The following SNTB1 variants were observed in gnomAD, a reference collection of about 807,000 sequenced individuals.
SNTB1 encodes syntrophin beta 1, also known as beta-1-syntrophin.
In SNTB1, 36 loss-of-function variants were observed where a neutral mutation model predicts 48.9. The ratio of observed to expected loss-of-function variants is 0.74; its 90% confidence interval spans 0.56 to 0.97. The LOEUF (loss-of-function observed/expected upper bound fraction) is 0.97, where lower values mean the gene tolerates loss of function less well. Ranked by LOEUF, SNTB1 falls within the 50% of genes least tolerant of loss-of-function variation. SNTB1 has a pLI of 0.00. For synonymous variants in SNTB1, 299 were observed against 294.6 expected (o/e 1.01, Z -0.15); for missense variants, 786 against 703.4 (o/e 1.12, Z -1.33).
chr8:120,545,924 C>T (rs1337037584), intron 5 of SNTB1, among the ~76,000 whole-genome samples: 7 of 152,144 alleles, frequency 4.6e-5, no homozygotes. Context: ...ACTGTTATTC[C>T]TATTAAACCT....
chr8:120,562,268 C>A (rs752963411), intron 4 of SNTB1, among the ~76,000 whole-genome samples: 1 of 152,144 alleles, frequency 6.6e-6, no homozygotes, highest in Non-Finnish European at 1.5e-5. Flanking sequence ...AAGATACTAC[C>A]GCCCCCTTTG....
chr8:120,764,409 A>G (rs1392673441), intron 1 of SNTB1, among the ~76,000 whole-genome samples: 4 of 152,224 alleles, frequency 2.6e-5, no homozygotes, highest in African/African-American at 7.2e-5. Context: ...TATGCATTAT[A>G]AGCAGTGACT....
At chr8:120,638,740 T>A (rs1563838374) in intron 2 of SNTB1, among the ~76,000 whole-genome samples, 2 of 152,194 alleles carry the variant, frequency 1.3e-5, no homozygotes, top group Non-Finnish European at 2.9e-5. Context: ...TGAACTCATC[T>A]TTTTTATGGC....
chr8:120,774,240 GT>G (rs907467025), intron 1 of SNTB1, among the ~76,000 whole-genome samples: 103 of 152,314 alleles, frequency 6.8e-4, no homozygotes, highest in Non-Finnish European at 2.4e-4. Flanking sequence ...TGCAGGTGGT[GT>G]GATTAACTGG....
At chr8:120,778,463 T>C (rs1018363675) in intron 1 of SNTB1, among the ~76,000 whole-genome samples, 2 of 152,230 alleles carry the variant, frequency 1.3e-5, no homozygotes, top group Non-Finnish European at 2.9e-5. Flanking sequence ...ATCAGTGCTC[T>C]GGCATTTCTG....
intron 3 of SNTB1, among the ~76,000 whole-genome samples, chr8:120,608,862 A>G (rs1816569396): frequency 6.6e-6 from 1 of 152,208 alleles, no homozygotes; most frequent in African/African-American, 2.4e-5. Flanking sequence ...TAGAAAGCAA[A>G]GGTGAGCAAA....
At chr8:120,557,745 C>G (rs1815588845) in intron 4 of SNTB1, among the ~76,000 whole-genome samples, 1 of 152,236 alleles carries the variant, frequency 6.6e-6, no homozygotes, top group African/African-American at 2.4e-5. Flanking sequence ...CTCTCTTTAA[C>G]TCCCTGGAAT....
chr8:120,701,629 T>C (rs1166955130), intron 1 of SNTB1, among the ~76,000 whole-genome samples: 1 of 152,230 alleles, frequency 6.6e-6, no homozygotes. Flanking sequence ...AAGCCCACAT[T>C]GAGATTATGT....
intron 2 of SNTB1, among the ~76,000 whole-genome samples, chr8:120,679,729 T>C (rs1041074903): frequency 1.3e-5 from 2 of 152,186 alleles, no homozygotes; most frequent in Non-Finnish European, 1.5e-5. Context: ...TTGCCTCCTA[T>C]TGATCTATGC....
intron 1 of SNTB1, among the ~76,000 whole-genome samples, chr8:120,745,833 C>T (rs987361317): frequency 6.6e-6 from 1 of 152,098 alleles, no homozygotes; most frequent in African/African-American, 2.4e-5. Context: ...TGTCCCACTG[C>T]CCCCGTATCT....
chr8:120,619,338 C>G (rs896469816), intron 3 of SNTB1, among the ~76,000 whole-genome samples: 3 of 150,782 alleles, frequency 2.0e-5, no homozygotes, highest in African/African-American at 7.3e-5. Context: ...GAGAAAGAGA[C>G]AGAGAGAGAG....
At chr8:120,705,190 G>C (rs1277304997) in intron 1 of SNTB1, among the ~76,000 whole-genome samples, 1 of 152,216 alleles carries the variant, frequency 6.6e-6, no homozygotes, top group African/African-American at 2.4e-5. Context: ...AAACTTTGGA[G>C]TCTGACCCTG....
intron 1 of SNTB1, among the ~76,000 whole-genome samples, chr8:120,713,797 G>A (rs564674254): frequency 6.6e-6 from 1 of 152,134 alleles, no homozygotes; most frequent in Admixed American, 6.5e-5. Flanking sequence ...CTTTCACACT[G>A]TGTAACATGT....
At chr8:120,716,792 T>C (rs906486274) in intron 1 of SNTB1, among the ~76,000 whole-genome samples, 10 of 152,202 alleles carry the variant, frequency 6.6e-5, no homozygotes, top group Non-Finnish European at 1.3e-4. Context: ...TGATTTAACA[T>C]GGGAAATAGA....
Position 120,811,472 on chromosome 8 carries a change from C to A in SNTB1, c.372G>T (p.Gly124=). ...TCTCCTTGCCCCCCTTGATGCTGAT[C>A]CCCAGCCCGCCCAGCTCCTGCTTCA... ...KVLKQELGGL[G]ISIKGGKENK... Residue 124 remains glycine, a synonymous_variant, in exon 1 of 7, where the codon GGG becomes GGT. Coordinates refer to ENST00000517992, the MANE Select transcript of SNTB1 (RefSeq NM_021021.4). 6.2e-7 allele frequency: 1 copy of A among 1,614,006 alleles called. No individual in the cohort carries two copies. The highest frequency in any genetic ancestry group is 8.5e-7 in the Non-Finnish European group (1 of 1,179,918).
intron 1 of SNTB1, among the ~76,000 whole-genome samples, chr8:120,782,393 T>C (rs1819843690): frequency 6.6e-6 from 1 of 151,808 alleles, no homozygotes; most frequent in Non-Finnish European, 1.5e-5. Flanking sequence ...CTCGAACATT[T>C]AGAGTTTCTT....
chr8:120,563,835 C>T (rs1322380994), intron 4 of SNTB1, among the ~76,000 whole-genome samples: 1 of 152,114 alleles, frequency 6.6e-6, no homozygotes, highest in Admixed American at 6.6e-5. Context: ...GCTGGCCGGG[C>T]ATGGTGGCTC....
intron 3 of SNTB1, among the ~76,000 whole-genome samples, chr8:120,596,956 C>G (rs1816336863): frequency 6.6e-6 from 1 of 152,182 alleles, no homozygotes; most frequent in Non-Finnish European, 1.5e-5. Context: ...CAGTGGTCCC[C>G]CCACAAATGA....
At chr8:120,593,851 A>T (rs1816281429) in intron 3 of SNTB1, among the ~76,000 whole-genome samples, 1 of 152,204 alleles carries the variant, frequency 6.6e-6, no homozygotes, top group South Asian at 2.1e-4. Flanking sequence ...CAAATACAAA[A>T]GGTCCTTGTC....
Sources: gnomAD v4.1 joint callset for allele counts (sites outside exome capture counted in the v4.1 genomes callset) on GRCh38, gnomAD v4.1.1 for gene constraint, MANE v1.5 for transcripts, NCBI Gene and HGNC (gene_info 2026-07-23, HGNC 2026-07-21) for gene names.